TTC9: variants seen among roughly 807,000 people sequenced by gnomAD.
TTC9 encodes tetratricopeptide repeat domain 9.
Under a neutral mutation model 22.9 loss-of-function variants are expected in TTC9, and 13 were observed. The ratio of observed to expected loss-of-function variants is 0.57; its 90% CI spans 0.37 to 0.90. The LOEUF (loss-of-function observed/expected upper bound fraction) is 0.90, where lower values mean the gene tolerates loss of function less well. Among genes scored for constraint, TTC9 ranks in the 40% least tolerant of loss-of-function variants. The pLI is 0.01. For missense variants in TTC9, 280 were observed against 291.8 expected, an observed-to-expected ratio of 0.96 and a Z score of 0.29; for synonymous variants, 148 against 133.2, an observed-to-expected ratio of 1.11 and a Z score of -0.77.
At position 70,667,561 on chromosome 14, in the gene TTC9, T is replaced by C. The variant is rs768604115; in HGVS notation, c.407-3T>C. Reference sequence around the variant, plus strand: ...ATGGCATTTTCCCTCCCTTCCTCCATAGCCTGCCTGCTCCAGGCTGAGCTG... The same window carrying C: ...ATGGCATTTTCCCTCCCTTCCTCCACAGCCTGCCTGCTCCAGGCTGAGCTG... On this transcript the variant is annotated splice_polypyrimidine_tract_variant and splice_region_variant and intron_variant, in intron 1 of 2. Transcript: ENST00000256367. The C allele has an allele frequency of 6.8e-6, 11 of 1,613,944 alleles. No homozygotes were observed. In the East Asian group the frequency reaches 1.8e-4, roughly 26 times the overall value.
intron 1 of TTC9, among the ~76,000 whole-genome samples, chr14:70,654,047 A>G (rs1017515269): frequency 1.3e-5 from 2 of 152,076 alleles, no homozygotes; most frequent in Non-Finnish European, 2.9e-5. Context: ...CCTTGGCTTA[A>G]TCAGGCATCT....
intron 1 of TTC9, 24 bp downstream of exon 1, chr14:70,642,559 G>GCCGCGGTCCCCGCC: frequency 2.6e-6 from 4 of 1,522,314 alleles, no homozygotes; most frequent in Non-Finnish European, 3.5e-6. Flanking sequence ...CGCCCCCCGC[G>GCCGCGGTCCCCGCC]CCGCGGTCCC....
intron 1 of TTC9, among the ~76,000 whole-genome samples, chr14:70,657,964 TCAAA>T (rs576627915): frequency 0.017 from 2,611 of 152,160 alleles, 36 homozygotes; most frequent in Non-Finnish European, 0.021. Flanking sequence ...AGACTCCATC[TCAAA>T]CAAACAAACA....
chr14:70,654,177 A>C (rs1886025481), intron 1 of TTC9, among the ~76,000 whole-genome samples: 1 of 152,126 alleles, frequency 6.6e-6, no homozygotes, highest in Admixed American at 6.5e-5. Context: ...ATGAAGAGGC[A>C]GTGCTTTCTG....
chr14:70,653,730 A>AC (rs35870913), intron 1 of TTC9, among the ~76,000 whole-genome samples: 80,330 of 152,016 alleles, frequency 0.53, 21,833 homozygotes, highest in Non-Finnish European at 0.59. Flanking sequence ...TTGAAATGAA[A>AC]AGCAGGGAAA....
At chr14:70,666,896 C>A (rs918816604) in intron 1 of TTC9, among the ~76,000 whole-genome samples, 2 of 152,168 alleles carry the variant, frequency 1.3e-5, no homozygotes, top group Non-Finnish European at 2.9e-5. Flanking sequence ...TGATGATTGC[C>A]TCTGGTAGCT....
chr14:70,668,435 G>T (rs1211908919), intron 2 of TTC9, among the ~76,000 whole-genome samples: 1 of 152,098 alleles, frequency 6.6e-6, no homozygotes, highest in Admixed American at 6.5e-5. Context: ...ACCCAGGGAG[G>T]GGCTCTCTAC....
At chr14:70,650,337 C>T (rs1417826231) in intron 1 of TTC9, among the ~76,000 whole-genome samples, 5 of 151,936 alleles carry the variant, frequency 3.3e-5, no homozygotes, top group South Asian at 2.1e-4. Flanking sequence ...GCAGGAGAAT[C>T]GCTTAAACCT....
In TTC9 at chr14:70,644,754, G is replaced by A. The variant is rs10140325; in HGVS notation, c.406+2219G>A. ...GTCAAGTCTCACAAAAGAACGAAAA[G>A]AGTGATTATAAGCAAAGCAATTTTG... On this transcript the variant is annotated intron_variant, in intron 1 of 2. Transcript: ENST00000256367. Among the ~76,000 whole-genome samples, 842 of 152,296 alleles carry A rather than the reference G, an allele frequency of 5.5e-3. 7 individuals carry two copies. The highest frequency in any genetic ancestry group is 0.02 in the African/African-American group (821 of 41,564).
chr14:70,657,967 A>G (rs893718342), intron 1 of TTC9, among the ~76,000 whole-genome samples: 6 of 146,916 alleles, frequency 4.1e-5, no homozygotes, highest in Admixed American at 2.7e-4. Context: ...CTCCATCTCA[A>G]ACAAACAAAC....
rs1886347654 is a variant in TTC9 at position 70,674,916 on chromosome 14, G to A, written c.*3761G>A. The stretch of plus-strand genomic sequence containing the variant: ...GCTAAATTTTGCACATGTCTATAAC[G>A]ATTTCCTTAGGATAAACTCCAAGAA... On this transcript the variant is annotated 3_prime_UTR_variant, in exon 3 of 3. Transcript: ENST00000256367. The A allele has an allele frequency of 6.6e-6, 1 of 152,018 alleles. No individual in the cohort carries two copies. The highest frequency in any genetic ancestry group is 6.6e-5 in the Admixed American group (1 of 15,262). 9.4% of individuals were successfully genotyped at this position (152,018 alleles called of 1,614,324 possible).
At chr14:70,656,620 A>G (rs963437146) in intron 1 of TTC9, among the ~76,000 whole-genome samples, 5 of 152,218 alleles carry the variant, frequency 3.3e-5, no homozygotes, top group Admixed American at 2.6e-4. Flanking sequence ...GACGTTCTTT[A>G]ATGTCCAAAA....
chr14:70,660,798 C>T (rs557941852), intron 1 of TTC9, among the ~76,000 whole-genome samples: 36 of 152,340 alleles, frequency 2.4e-4, no homozygotes, highest in African/African-American at 8.4e-4. Flanking sequence ...CAGCTCTGTC[C>T]AGATCCCAAA....
rs80034300 is a variant in TTC9, at chr14:70,662,015, G to A, written c.407-5549G>A. On this transcript the variant is annotated intron_variant, in intron 1 of 2. Transcript: ENST00000256367. ...TTTCTCCTCTAGCACTTCTTCCCAC[G>A]CCTTGATAGAGGCTTGTCTTCATTC... 7.6e-3 allele frequency among the ~76,000 whole-genome samples: 1,154 copies of A among 152,206 alleles called. 6 individuals carry two copies. The highest frequency in any genetic ancestry group is 0.017 in the Middle Eastern group (5 of 294).
At chr14:70,664,634 C>T (rs563969715) in intron 1 of TTC9, among the ~76,000 whole-genome samples, 14 of 151,348 alleles carry the variant, frequency 9.3e-5, no homozygotes, top group African/African-American at 1.7e-4. Flanking sequence ...GAGGCTGAGA[C>T]GGGAGAATTG....
At chr14:70,654,894 T>A (rs1190963084) in intron 1 of TTC9, among the ~76,000 whole-genome samples, 1 of 152,164 alleles carries the variant, frequency 6.6e-6, no homozygotes, top group Non-Finnish European at 1.5e-5. Context: ...TTGCCTTATT[T>A]GAACTCAGTT....
At chr14:70,655,953 C>T (rs866075462) in intron 1 of TTC9, among the ~76,000 whole-genome samples, 2 of 152,194 alleles carry the variant, frequency 1.3e-5, no homozygotes, top group Middle Eastern at 3.4e-3. Context: ...TCCCCGCCAG[C>T]TCCTCTCAGC....
rs921283292 is a variant in TTC9, at chr14:70,674,529, A to T, written c.*3374A>T. On this transcript the variant is annotated 3_prime_UTR_variant, in exon 3 of 3. Coordinates refer to ENST00000256367, the MANE Select transcript of TTC9 (RefSeq NM_015351.2). ...TTAGAATATGTAATCCTACACAGAT[A>T]CAAAATTCAAAAAGTACAAACTGCT... The T allele has an allele frequency of 2.0e-5, 3 of 152,258 alleles. No homozygotes were observed. Among genetic ancestry groups the T allele is most frequent in the Admixed American group, 6.5e-5 (1 of 15,286 alleles). 9.4% of individuals were successfully genotyped at this position (152,258 alleles called of 1,614,324 possible).
At chr14:70,662,988 C>T (rs554447325) in intron 1 of TTC9, among the ~76,000 whole-genome samples, 1 of 152,184 alleles carries the variant, frequency 6.6e-6, no homozygotes, top group Admixed American at 6.5e-5. Context: ...CTGCTGGTCA[C>T]CTCTGCCTCC....
Sources: gnomAD v4.1 joint callset for allele counts (sites outside exome capture counted in the v4.1 genomes callset) on GRCh38, gnomAD v4.1.1 for gene constraint, MANE v1.5 for transcripts, NCBI Gene and HGNC (gene_info 2026-07-23, HGNC 2026-07-21) for gene names.